DOCK7: variants seen among roughly 807,000 people sequenced by gnomAD.
DOCK7 encodes the protein dedicator of cytokinesis protein 7.
Under a neutral mutation model 271.0 loss-of-function variants are expected in DOCK7, and 138 were observed. That is an observed-to-expected ratio of 0.51 (90% CI 0.44 to 0.59). The LOEUF (loss-of-function observed/expected upper bound fraction) is 0.59, where lower values mean the gene tolerates loss of function less well. DOCK7 is among the 20% of genes least tolerant of loss of function. The probability of loss-of-function intolerance (pLI) is 0.00; values close to 1 mark genes in which losing one functional copy is unlikely to be tolerated. For synonymous variants in DOCK7, 823 were observed against 876.1 expected (o/e 0.94, Z 1.07); for missense variants, 2,066 against 2,592.4 (o/e 0.80, Z 4.41).
At chr1:62,603,332 TTAA>T (rs1350032471) in intron 14 of DOCK7, among the ~76,000 whole-genome samples, 2 of 151,800 alleles carry the variant, frequency 1.3e-5, no homozygotes, top group African/African-American at 4.8e-5. Context: ...TATAAATACT[TTAA>T]TAAAAAGGAT....
At chr1:62,598,649 A>C (rs931801838) in intron 14 of DOCK7, 2 of 1,024,070 alleles carry the variant, frequency 2.0e-6, no homozygotes, top group Non-Finnish European at 3.1e-6. Flanking sequence ...AATTAATAGA[A>C]AAGAAAGAGG....
intron 22 of DOCK7, among the ~76,000 whole-genome samples, chr1:62,545,363 A>G (rs925168201): frequency 3.3e-5 from 5 of 152,174 alleles, no homozygotes; most frequent in Admixed American, 3.3e-4. Flanking sequence ...AAGATAGTAC[A>G]AGTTAGCAAC....
chr1:62,583,868 A>G (rs1647217902), intron 15 of DOCK7, among the ~76,000 whole-genome samples: 1 of 152,178 alleles, frequency 6.6e-6, no homozygotes, highest in Admixed American at 6.5e-5. Context: ...AGATAAAGTA[A>G]TTCAGCCTTG....
intron 41 of DOCK7, chr1:62,492,288 A>AT (rs1233567793): frequency 8.4e-5 from 13 of 154,060 alleles, no homozygotes; most frequent in South Asian, 2.0e-4. Flanking sequence ...ATAAAAAACA[A>AT]TTTTTTTTTC....
Position 62,504,681 on chromosome 1 carries a change from G to T in DOCK7, c.4713C>A (p.His1571Gln), listed in dbSNP as rs149949352. Residue 1571 changes from histidine to glutamine, a missense_variant, in exon 37 of 50, where the codon CAC (histidine) becomes CAA (glutamine). This residue lies in a region of DOCK7 where 652 missense variants were observed against 922.1 expected (regional missense o/e 0.71). Coordinates refer to ENST00000635253, the MANE Select transcript of DOCK7 (RefSeq NM_001367561.1). ...TTAGTAGGTAAAGGGAGGCACTGGC[G>T]TGTGACCGTATTGTACCGATGCTAC... ...CSSSIGTIRSHASASLYLLMR... is the reference protein window; with the variant it reads ...CSSSIGTIRSQASASLYLLMR... 6.2e-7 allele frequency: 1 copy of T among 1,614,058 alleles called. No homozygotes were observed.
chr1:62,455,050 T>C lies in DOCK7; in HGVS notation c.*364A>G. 2 of 452,052 alleles carry C rather than the reference T, an allele frequency of 4.4e-6. No homozygotes were observed. The highest frequency in any genetic ancestry group is 3.9e-6 in the Non-Finnish European group (1 of 257,230). The allele number at this position is 452,052 out of a possible 1,614,324, so 28.0% of individuals were successfully genotyped here. On this transcript the variant is annotated 3_prime_UTR_variant, in exon 50 of 50. Coordinates refer to ENST00000635253, the MANE Select transcript of DOCK7 (RefSeq NM_001367561.1). ...CACATATTTAATAGTACCTTTAAAA[T>C]AAGCATTACTACATTTAAAATGGTT...
chr1:62,562,578 T>A (rs374752159), intron 18 of DOCK7, among the ~76,000 whole-genome samples: 4 of 152,212 alleles, frequency 2.6e-5, no homozygotes, highest in African/African-American at 9.6e-5. Flanking sequence ...AAATAACTTT[T>A]AAAAGTACAT....
In DOCK7 at chr1:62,539,893, C is replaced by A; in HGVS notation, c.3046-1G>T. On this transcript the variant is annotated splice_acceptor_variant, in intron 25 of 49. Coordinates refer to ENST00000635253, the MANE Select transcript of DOCK7 (RefSeq NM_001367561.1). LOFTEE classifies it high-confidence loss of function. The stretch of plus-strand genomic sequence containing the variant: ...ATAAATGGTGCACCATGCTCTTTAC[C>A]TGAAAAAAAGATATAAATTATTAAT... 6.4e-7 allele frequency: 1 copy of A among 1,571,634 alleles called. No individual in the cohort carries two copies. The highest frequency in any genetic ancestry group is 8.6e-7 in the Non-Finnish European group (1 of 1,161,406).
At chr1:62,456,683 A>G (rs1322543917) in intron 49 of DOCK7, among the ~76,000 whole-genome samples, 2 of 152,128 alleles carry the variant, frequency 1.3e-5, no homozygotes, top group Non-Finnish European at 1.5e-5. Flanking sequence ...CAGCCTTTCC[A>G]TGGAAAGGAG....
rs781263939 is a variant in DOCK7, at chr1:62,474,055, C to G, written c.6139G>C (p.Glu2047Gln). The G allele has an allele frequency of 4.3e-6, 7 of 1,613,784 alleles. No individual in the cohort carries two copies. In the Admixed American group the frequency reaches 1.0e-4, roughly 23 times the overall value. The change falls in exon 48 of 50, where the codon GAA becomes CAA. Residue 2047 changes from glutamate (E) to glutamine (Q), a missense_variant. Around this residue, in one of 2 missense-constraint regions of DOCK7, gnomAD observed 652 missense variants for 922.1 expected, o/e 0.71. Coordinates refer to ENST00000635253, the MANE Select transcript of DOCK7 (RefSeq NM_001367561.1). ...PLEVAQVFLS[E>Q]IPSDPKLFRH... Reference sequence around the variant, plus strand: ...AAGAGCTTTGGGTCACTAGGTATTTCAGACAGAAAAACCTGGGCAACTTCC... The same window carrying G: ...AAGAGCTTTGGGTCACTAGGTATTTGAGACAGAAAAACCTGGGCAACTTCC...
Position 62,666,388 on chromosome 1 carries a change from C to T in DOCK7, c.39-3258G>A, listed in dbSNP as rs115263096. 2.6e-3 allele frequency among the ~76,000 whole-genome samples: 390 copies of T among 152,140 alleles called. 3 individuals are homozygous for T. Among genetic ancestry groups the T allele is most frequent in the African/African-American group, 8.6e-3 (358 of 41,514 alleles). ...CATAAAAACGATAATCCTCATATTG[C>T]AAATATCTTTCTACATGACATTAAT... On this transcript the variant is annotated intron_variant, in intron 1 of 49. Coordinates refer to ENST00000635253, the MANE Select transcript of DOCK7 (RefSeq NM_001367561.1).
chr1:62,539,932 A>G (rs1645472621), intron 25 of DOCK7, 40 bp from the exon 26 acceptor site: 1 of 1,401,276 alleles, frequency 7.1e-7, no homozygotes, highest in Non-Finnish European at 9.6e-7. Flanking sequence ...CTATGAATAT[A>G]TTTAACAATT....
chr1:62,517,567 C>T (rs1296758438), intron 31 of DOCK7, among the ~76,000 whole-genome samples: 1 of 152,080 alleles, frequency 6.6e-6, no homozygotes, highest in Non-Finnish European at 1.5e-5. Context: ...TGCACTCCAG[C>T]CTGGGCAACA....
intron 43 of DOCK7, among the ~76,000 whole-genome samples, chr1:62,480,722 G>C (rs1286188163): frequency 6.6e-6 from 1 of 152,098 alleles, no homozygotes; most frequent in Non-Finnish European, 1.5e-5. Flanking sequence ...ATAAATCTGT[G>C]AACAGGCCAG....
intron 22 of DOCK7, among the ~76,000 whole-genome samples, chr1:62,552,521 A>C (rs1040003652): frequency 1.3e-5 from 2 of 152,190 alleles, no homozygotes; most frequent in Non-Finnish European, 2.9e-5. Flanking sequence ...TTCCAGACAA[A>C]TTTTAGAATT....
chr1:62,480,335 T>A (rs1404316030), intron 43 of DOCK7, among the ~76,000 whole-genome samples: 1 of 152,204 alleles, frequency 6.6e-6, no homozygotes, highest in Non-Finnish European at 1.5e-5. Context: ...TCTCATGACA[T>A]TCGGTTCAAG....
chr1:62,622,901 G>A (rs1277693872), intron 12 of DOCK7, among the ~76,000 whole-genome samples: 18 of 152,086 alleles, frequency 1.2e-4, no homozygotes, highest in Non-Finnish European at 2.6e-4. Context: ...CTGCACTCCA[G>A]CCTGGGTGAG....
At chr1:62,550,872 C>A (rs1040895447) in intron 22 of DOCK7, among the ~76,000 whole-genome samples, 10 of 151,924 alleles carry the variant, frequency 6.6e-5, no homozygotes. Flanking sequence ...AGGCATCTGC[C>A]GCCGTGCCTG....
chr1:62,558,936 A>G, intron 20 of DOCK7, 53 bp downstream of exon 20: 1 of 1,406,008 alleles, frequency 7.1e-7, no homozygotes, highest in Non-Finnish European at 9.8e-7. Context: ...AACAAAATTT[A>G]GAAATGTCAA....
Sources: allele counts gnomAD v4.1 joint callset (sites outside exome capture counted in the v4.1 genomes callset), GRCh38; gene constraint gnomAD v4.1.1; regional missense constraint gnomAD v4.1.1; transcripts MANE v1.5; gene names NCBI Gene and HGNC (gene_info 2026-07-23, HGNC 2026-07-21).